CBR4: variants seen among roughly 807,000 people sequenced by gnomAD.
The protein encoded by CBR4 is carbonyl reductase 4, also known as 3-oxoacyl-[acyl-carrier-protein] reductase.
A neutral mutation model predicts 21.0 loss-of-function variants in CBR4; 22 were observed. The ratio of observed to expected loss-of-function variants is 1.05; its 90% CI spans 0.75 to 1.50. The LOEUF (loss-of-function observed/expected upper bound fraction) is 1.50, where lower values mean the gene tolerates loss of function less well. Ranked by LOEUF, CBR4 falls within the 40% of genes most tolerant of loss-of-function variation. The pLI is 0.00. For synonymous variants in CBR4, 100 were observed against 104.4 expected, an observed-to-expected ratio of 0.96 and a Z score of 0.26; for missense variants, 302 against 286.3, an observed-to-expected ratio of 1.05 and a Z score of -0.40.
chr4:168,906,207 ACTGGGAAC>A (rs1354327468), intron 2 of CBR4, among the ~76,000 whole-genome samples: 1 of 152,156 alleles, frequency 6.6e-6, no homozygotes, highest in East Asian at 1.9e-4. Context: ...ATTTGCCAAC[ACTGGGAAC>A]CTGCTATTAA....
chr4:168,975,034 AT>A (rs1764326918), intron 2 of CBR4, among the ~76,000 whole-genome samples: 1 of 152,060 alleles, frequency 6.6e-6, no homozygotes, highest in Non-Finnish European at 1.5e-5. Flanking sequence ...ATTTGGGTAG[AT>A]TGTTTCAGTG....
At chr4:168,970,284 C>T (rs892758691) in intron 2 of CBR4, among the ~76,000 whole-genome samples, 3 of 151,918 alleles carry the variant, frequency 2.0e-5, no homozygotes, top group Non-Finnish European at 4.4e-5. Context: ...TAAGAATTCC[C>T]GCCACACCCC....
chr4:168,965,672 T>C (rs1389837609), intron 2 of CBR4, among the ~76,000 whole-genome samples: 1 of 152,204 alleles, frequency 6.6e-6, no homozygotes, highest in African/African-American at 2.4e-5. Flanking sequence ...ATTTAATAAA[T>C]TGTGCTGGGA....
chr4:168,948,073 G>A (rs976458314), intron 2 of CBR4, among the ~76,000 whole-genome samples: 6 of 152,106 alleles, frequency 3.9e-5, no homozygotes, highest in African/African-American at 1.4e-4. Context: ...GGCCATTCTT[G>A]CAGGAGTAAG....
At chr4:168,906,194 C>T (rs913128028) in intron 2 of CBR4, among the ~76,000 whole-genome samples, 2 of 152,128 alleles carry the variant, frequency 1.3e-5, no homozygotes, top group African/African-American at 2.4e-5. Flanking sequence ...GTGGTCCTTA[C>T]GTATTTGCCA....
chr4:168,993,036 A>G (rs554812995), intron 4 of CBR4, among the ~76,000 whole-genome samples: 9 of 152,300 alleles, frequency 5.9e-5, no homozygotes, highest in African/African-American at 1.9e-4. Context: ...ATAAAAGGAG[A>G]AGCAGCTAAC....
chr4:169,002,096 T>C lies in CBR4; in HGVS notation c.510A>G (p.Lys170=), dbSNP rs747417913. Residue 170 remains lysine (K), a synonymous_variant, in exon 4 of 5, where the codon AAA becomes AAG. Coordinates refer to ENST00000306193, the MANE Select transcript of CBR4 (RefSeq NM_032783.5). ...RALAKEVARK[K]IRVNVVAPGF... ...CTGGTGCAACTACATTCACTCTAAT[T>C]TTCTTTCTTGCTACCTCTTTAGCAA... is the stretch of plus-strand genomic sequence containing the variant. 5 of 1,595,240 alleles carry C rather than the reference T, an allele frequency of 3.1e-6. No homozygotes were observed. The highest frequency in any genetic ancestry group is 2.6e-6 in the Non-Finnish European group (3 of 1,172,730).
At chr4:168,924,219 T>A in intron 2 of CBR4, 7 of 1,583,114 alleles carry the variant, frequency 4.4e-6, no homozygotes, top group Middle Eastern at 1.7e-4. Flanking sequence ...TCCTTTTGTA[T>A]ATCATTGATA....
Position 168,957,418 on chromosome 4 carries a change from T to C in CBR4, n.169+44653A>G, listed in dbSNP as rs189645392. On this transcript the variant is annotated intron_variant and non_coding_transcript_variant, in intron 2 of 3. Coordinates refer to the CBR4 transcript ENST00000509108. ...TTCTCCAATGCTGTGTGCCCCAGGTTGTTTCCTCAACCAAAATTCAGAAAC... is the reference window on the plus strand; with the variant it reads ...TTCTCCAATGCTGTGTGCCCCAGGTCGTTTCCTCAACCAAAATTCAGAAAC... Among the ~76,000 whole-genome samples, 516 of 152,268 alleles carry C rather than the reference T, an allele frequency of 3.4e-3. 3 individuals are homozygous for C. The highest frequency in any genetic ancestry group is 0.012 in the African/African-American group (483 of 41,530).
chr4:168,950,635 T>C (rs1763514585), intron 2 of CBR4, among the ~76,000 whole-genome samples: 1 of 152,176 alleles, frequency 6.6e-6, no homozygotes, highest in Non-Finnish European at 1.5e-5. Flanking sequence ...TTTAAATCCG[T>C]TCTTTGTTGA....
At chr4:168,990,989 G>A (rs1764893717) in intron 4 of CBR4, among the ~76,000 whole-genome samples, 1 of 152,076 alleles carries the variant, frequency 6.6e-6, no homozygotes, top group South Asian at 2.1e-4. Context: ...GGGAGGTGGA[G>A]GTTGGAGTGA....
intron 2 of CBR4, among the ~76,000 whole-genome samples, chr4:168,968,500 C>T (rs1764109794): frequency 6.6e-6 from 1 of 152,188 alleles, no homozygotes; most frequent in Admixed American, 6.5e-5. Flanking sequence ...ATTCTCTTTC[C>T]TGTCAGGCAG....
intron 2 of CBR4, among the ~76,000 whole-genome samples, chr4:168,918,337 T>TATAC (rs920727339): frequency 2.0e-5 from 3 of 151,404 alleles, no homozygotes; most frequent in African/African-American, 7.3e-5. Context: ...TATATATATA[T>TATAC]ATACATACAT....
rs2126799856 is a variant in CBR4, at chr4:168,988,371, T to C, written c.*1779A>G. 1.0e-6 allele frequency: 1 copy of C among 985,444 alleles called. No homozygotes were observed. The highest frequency in any genetic ancestry group is 1.2e-6 in the Non-Finnish European group (1 of 829,920). The allele number at this position is 985,444 out of a possible 1,614,324, so 61.0% of individuals were successfully genotyped here. On this transcript the variant is annotated 3_prime_UTR_variant, in exon 5 of 5. Transcript: ENST00000306193. ...CCTATCTATAACCTACATCTTAATG[T>C]CAGCAAAACATACTGCTTTCTACCC...
chr4:168,970,108 T>G (rs992225122), intron 2 of CBR4, among the ~76,000 whole-genome samples: 1 of 152,244 alleles, frequency 6.6e-6, no homozygotes, highest in African/African-American at 2.4e-5. Flanking sequence ...ATTGATTTAT[T>G]GTTGCATTAT....
intron 2 of CBR4, among the ~76,000 whole-genome samples, chr4:169,007,331 G>A (rs1489883867): frequency 1.3e-5 from 2 of 152,216 alleles, no homozygotes; most frequent in East Asian, 3.9e-4. Flanking sequence ...TATCTGTGGT[G>A]ACAAAACTCA....
downstream of CBR4, among the ~76,000 whole-genome samples, chr4:168,983,577 C>T (rs1372675766): frequency 6.6e-6 from 1 of 151,988 alleles, no homozygotes; most frequent in Non-Finnish European, 1.5e-5. Flanking sequence ...ATCATTCTGA[C>T]ACCAAAACCT....
intron 2 of CBR4, among the ~76,000 whole-genome samples, chr4:168,981,764 T>A (rs1177811158): frequency 6.6e-6 from 1 of 152,152 alleles, no homozygotes; most frequent in Non-Finnish European, 1.5e-5. Flanking sequence ...ATATTCAGCA[T>A]CCTTAAAGAA....
chr4:168,926,235 G>C, intron 2 of CBR4: 4 of 1,535,452 alleles, frequency 2.6e-6, no homozygotes, highest in South Asian at 1.2e-5. Context: ...AGCAGTCACA[G>C]AGCACCAAGC....
Sources: allele counts gnomAD v4.1 joint callset (sites outside exome capture counted in the v4.1 genomes callset), GRCh38; gene constraint gnomAD v4.1.1; transcripts MANE v1.5; gene names NCBI Gene and HGNC (gene_info 2026-07-23, HGNC 2026-07-21).